Variants in ATG5 observed in about 807,000 individuals in gnomAD.
ATG5 encodes autophagy protein 5.
In ATG5, 14 loss-of-function variants were observed where a neutral mutation model predicts 36.5. The ratio of observed to expected loss-of-function variants is 0.38; its 90% CI spans 0.25 to 0.60. The LOEUF (loss-of-function observed/expected upper bound fraction) is 0.60. Ranked by LOEUF, ATG5 falls within the 20% of genes least tolerant of loss-of-function variation. ATG5 has a pLI of 0.60. For synonymous variants in ATG5, 95 were observed against 101.5 expected (o/e 0.94, Z 0.38); for missense variants, 195 against 326.7 (o/e 0.60, Z 3.11).
chr6:106,234,180 G>A lies in ATG5; in HGVS notation c.573+13970C>T, dbSNP rs781287237. Among the ~76,000 whole-genome samples the A allele has an allele frequency of 1.1e-4, 16 of 152,090 alleles. No individual in the cohort carries two copies. In the East Asian group the frequency reaches 1.4e-3, roughly 13 times the overall value. ...AAGGAAGTAACCTCCCAACTGACCC[G>A]GGTACATAGCACCCCTAGCCCCTAC... On this transcript the variant is annotated intron_variant, in intron 6 of 7. Transcript: ENST00000369076.
At chr6:106,196,186 A>C (rs2114332689) in intron 7 of ATG5, among the ~76,000 whole-genome samples, 1 of 152,354 alleles carries the variant, frequency 6.6e-6, no homozygotes, top group African/African-American at 2.4e-5. Flanking sequence ...AGATCATATC[A>C]GAAATATTAT....
At chr6:106,221,541 C>T (rs1777247558) in intron 6 of ATG5, among the ~76,000 whole-genome samples, 1 of 151,902 alleles carries the variant, frequency 6.6e-6, no homozygotes. Flanking sequence ...CAAAAATTAG[C>T]TGCGCCTGGT....
At chr6:106,223,433 C>G (rs916228341) in intron 6 of ATG5, among the ~76,000 whole-genome samples, 47 of 152,144 alleles carry the variant, frequency 3.1e-4, no homozygotes, top group Non-Finnish European at 5.1e-4. Flanking sequence ...ACATAGGAAG[C>G]AATTTAAGCC....
chr6:106,290,980 C>T (rs1362186828), intron 4 of ATG5, among the ~76,000 whole-genome samples: 1 of 152,318 alleles, frequency 6.6e-6, no homozygotes, highest in East Asian at 1.9e-4. Flanking sequence ...GTTTTCCCTG[C>T]AGTGAGAGGT....
At chr6:106,245,809 G>A (rs1166679223) in intron 6 of ATG5, among the ~76,000 whole-genome samples, 1 of 152,006 alleles carries the variant, frequency 6.6e-6, no homozygotes, top group Admixed American at 6.6e-5. Flanking sequence ...GAAATGAAAG[G>A]TGTTAATCAA....
At chr6:106,256,994 A>C (rs1257246494) in intron 5 of ATG5, among the ~76,000 whole-genome samples, 2 of 152,214 alleles carry the variant, frequency 1.3e-5, no homozygotes, top group Non-Finnish European at 2.9e-5. Flanking sequence ...GCCGCATAAA[A>C]ACATTTTTTA....
At chr6:106,302,340 C>A (rs921881156) in intron 3 of ATG5, among the ~76,000 whole-genome samples, 4 of 152,032 alleles carry the variant, frequency 2.6e-5, no homozygotes, top group African/African-American at 9.7e-5. Context: ...GGATCATGGA[C>A]AACCTTTACA....
intron 5 of ATG5, among the ~76,000 whole-genome samples, chr6:106,267,565 C>T (rs1014257918): frequency 1.3e-5 from 2 of 152,188 alleles, no homozygotes; most frequent in Admixed American, 1.3e-4. Context: ...AAGCTGGAGG[C>T]ATCATGCTAC....
At chr6:106,273,879 G>A (rs1779546382) in intron 5 of ATG5, among the ~76,000 whole-genome samples, 1 of 152,176 alleles carries the variant, frequency 6.6e-6, no homozygotes, top group African/African-American at 2.4e-5. Flanking sequence ...TTTTCCAAAT[G>A]TCGTGACTTG....
chr6:106,318,447 T>C (rs927097605), intron 1 of ATG5, among the ~76,000 whole-genome samples: 3 of 152,122 alleles, frequency 2.0e-5, no homozygotes, highest in African/African-American at 7.2e-5. Context: ...GATACAAATA[T>C]AGACTTAGAA....
intron 7 of ATG5, among the ~76,000 whole-genome samples, chr6:106,191,273 A>ATAT (rs1775957867): frequency 6.6e-6 from 1 of 152,172 alleles, no homozygotes; most frequent in African/African-American, 2.4e-5. Context: ...AATTTTATGT[A>ATAT]GAAACCCAAT....
At chr6:106,216,865 G>C (rs528486180) in intron 6 of ATG5, among the ~76,000 whole-genome samples, 1 of 151,956 alleles carries the variant, frequency 6.6e-6, no homozygotes, top group South Asian at 2.1e-4. Flanking sequence ...ACACCAGCCT[G>C]GGCAACACAG....
intron 6 of ATG5, among the ~76,000 whole-genome samples, chr6:106,203,708 G>C (rs577659659): frequency 1.4e-4 from 21 of 152,316 alleles, no homozygotes; most frequent in South Asian, 4.1e-4. Flanking sequence ...AGCCTCCAGA[G>C]TAGCTGGGAC....
intron 6 of ATG5, among the ~76,000 whole-genome samples, chr6:106,231,419 C>T (rs1777685729): frequency 6.6e-6 from 1 of 152,200 alleles, no homozygotes; most frequent in African/African-American, 2.4e-5. Context: ...CGATTCCCCA[C>T]AGGCCAGCAG....
intron 5 of ATG5, among the ~76,000 whole-genome samples, chr6:106,278,853 AG>A (rs1398601024): frequency 6.6e-6 from 1 of 152,236 alleles, no homozygotes; most frequent in Non-Finnish European, 1.5e-5. Flanking sequence ...CATGGAAAGA[AG>A]TGACATAATT....
chr6:106,259,429 C>T (rs1778926484), intron 5 of ATG5, among the ~76,000 whole-genome samples: 1 of 152,110 alleles, frequency 6.6e-6, no homozygotes, highest in Non-Finnish European at 1.5e-5. Flanking sequence ...CAAATTTTTT[C>T]ATTTACAGCT....
intron 1 of ATG5, 92 bp from the exon 2 acceptor site, chr6:106,316,358 T>C: frequency 2.2e-6 from 1 of 451,532 alleles, no homozygotes; most frequent in Non-Finnish European, 3.8e-6. Flanking sequence ...ATCCATGCCA[T>C]AAAGATTATC....
chr6:106,188,334 A>G (rs1181258206), intron 7 of ATG5, among the ~76,000 whole-genome samples: 1 of 152,208 alleles, frequency 6.6e-6, no homozygotes, highest in East Asian at 1.9e-4. Flanking sequence ...TCTTTGAAAT[A>G]TTTTAATATT....
intron 6 of ATG5, among the ~76,000 whole-genome samples, chr6:106,218,763 C>T (rs1249312426): frequency 1.3e-5 from 2 of 152,086 alleles, no homozygotes; most frequent in African/African-American, 2.4e-5. Context: ...TATGCAGAGT[C>T]AGAATATGAC....
Sources: allele counts gnomAD v4.1 joint callset (sites outside exome capture counted in the v4.1 genomes callset), GRCh38; gene constraint gnomAD v4.1.1; transcripts MANE v1.5; gene names NCBI Gene and HGNC (gene_info 2026-07-23, HGNC 2026-07-21).